ACBD6: variants seen among roughly 807,000 people sequenced by gnomAD.
The protein encoded by ACBD6 is acyl-CoA binding domain containing 6.
ACBD6 carries 28 observed loss-of-function variants against 37.2 expected under a neutral mutation model. That is an observed-to-expected ratio of 0.75 (90% CI 0.56 to 1.03). ACBD6 has a LOEUF of 1.03. Ranked by LOEUF, ACBD6 falls within the 50% of genes least tolerant of loss-of-function variation. The pLI is 0.00. For synonymous variants in ACBD6, 113 were observed against 126.8 expected (o/e 0.89, Z 0.73); for missense variants, 340 against 337.4 (o/e 1.01, Z -0.06).
At chr1:180,356,514 T>A (rs1433802585) in intron 6 of ACBD6, among the ~76,000 whole-genome samples, 1 of 151,856 alleles carries the variant, frequency 6.6e-6, no homozygotes, top group Non-Finnish European at 1.5e-5. Flanking sequence ...ATACAGGAAG[T>A]TTAGATCAGT....
rs1320544266 is a variant in ACBD6 at position 180,335,783 on chromosome 1, C to T, written c.664-21061G>A. On this transcript the variant is annotated intron_variant, in intron 6 of 7. Transcript: ENST00000367595. ...AGGAAACCCATCTCACATGCAGTGA[C>T]ACACATAAGCTCAAAATAAAGGGAT... is the stretch of plus-strand genomic sequence containing the variant. 2.1e-5 allele frequency among the ~76,000 whole-genome samples: 3 copies of T among 145,588 alleles called. 1 individual carries two copies. The highest frequency in any genetic ancestry group is 4.6e-5 in the Non-Finnish European group (3 of 64,602).
intron 7 of ACBD6, among the ~76,000 whole-genome samples, chr1:180,296,577 T>C (rs778875410): frequency 3.3e-5 from 5 of 152,054 alleles, no homozygotes; most frequent in Non-Finnish European, 7.4e-5. Context: ...TTACTGGCCA[T>C]GTGCCACCAT....
intron 3 of ACBD6, among the ~76,000 whole-genome samples, chr1:180,454,722 C>T (rs1222255543): frequency 6.6e-6 from 1 of 152,142 alleles, no homozygotes; most frequent in Non-Finnish European, 1.5e-5. Flanking sequence ...TATCAATAGA[C>T]ACTTCTCAAA....
intron 6 of ACBD6, among the ~76,000 whole-genome samples, chr1:180,340,969 G>A (rs760669914): frequency 1.3e-5 from 2 of 152,146 alleles, no homozygotes; most frequent in African/African-American, 2.4e-5. Context: ...AACTGGTAGA[G>A]TTCATGGGAT....
intron 6 of ACBD6, among the ~76,000 whole-genome samples, chr1:180,355,946 C>T (rs1259555090): frequency 6.6e-6 from 1 of 151,856 alleles, no homozygotes; most frequent in Non-Finnish European, 1.5e-5. Context: ...CGGCTCACTA[C>T]AACCTCTGCC....
At chr1:180,282,228 A>T (rs577291364) in intron 8 of ACBD6, among the ~76,000 whole-genome samples, 15 of 152,240 alleles carry the variant, frequency 9.9e-5, no homozygotes, top group Non-Finnish European at 1.6e-4. Context: ...AGGCTTTTTT[A>T]AAAAAATTAA....
chr1:180,471,989 T>C (rs932499578), intron 3 of ACBD6, among the ~76,000 whole-genome samples: 3 of 152,212 alleles, frequency 2.0e-5, no homozygotes, highest in Non-Finnish European at 2.9e-5. Flanking sequence ...CTCCCACACA[T>C]GCATGCAGAT....
chr1:180,483,656 T>A lies in ACBD6; in HGVS notation c.384+8613A>T, dbSNP rs566734731. 3.3e-4 allele frequency among the ~76,000 whole-genome samples: 50 copies of A among 152,280 alleles called. 1 individual carries two copies. In the South Asian group the frequency reaches 9.7e-3, roughly 30 times the overall value. On this transcript the variant is annotated intron_variant, in intron 3 of 7. Transcript: ENST00000367595. ...TTATATTTGGTTCAATATAAAATGG[T>A]AATCTATTACAGATTAGGATACAAT...
At chr1:180,374,329 T>C (rs1423358513) in intron 6 of ACBD6, among the ~76,000 whole-genome samples, 1 of 152,200 alleles carries the variant, frequency 6.6e-6, no homozygotes, top group Non-Finnish European at 1.5e-5. Flanking sequence ...AGAGAAGAGT[T>C]TAGTATTTTA....
At chr1:180,311,399 T>C (rs1347031631) in intron 7 of ACBD6, among the ~76,000 whole-genome samples, 1 of 152,182 alleles carries the variant, frequency 6.6e-6, no homozygotes, top group Non-Finnish European at 1.5e-5. Flanking sequence ...GTAAGCAAAA[T>C]ACAATCTCAG....
rs554630432 is a variant in ACBD6, at chr1:180,385,169, G to C, written c.663+12347C>G. Among the ~76,000 whole-genome samples, 14 of 151,816 alleles carry C rather than the reference G, an allele frequency of 9.2e-5. No homozygotes were observed. In the South Asian group the frequency reaches 2.9e-3, roughly 32 times the overall value. On this transcript the variant is annotated intron_variant, in intron 6 of 7. Transcript: ENST00000367595. ...AAGAGAGAACCTGAAATGTTCTCCAGGTTATGGATACCCCAAATACCCTGA... is the reference window on the plus strand; with the variant it reads ...AAGAGAGAACCTGAAATGTTCTCCACGTTATGGATACCCCAAATACCCTGA...
At chr1:180,444,783 C>T (rs950786627) in intron 3 of ACBD6, among the ~76,000 whole-genome samples, 3 of 152,162 alleles carry the variant, frequency 2.0e-5, no homozygotes, top group Admixed American at 2.0e-4. Flanking sequence ...GCCTGAGACT[C>T]TATTAGTTGA....
intron 3 of ACBD6, among the ~76,000 whole-genome samples, chr1:180,491,604 T>C (rs546776896): frequency 1.3e-5 from 2 of 152,366 alleles, no homozygotes; most frequent in African/African-American, 4.8e-5. Flanking sequence ...ATTCATCTTT[T>C]ATCCCTAATA....
intron 6 of ACBD6, among the ~76,000 whole-genome samples, chr1:180,356,723 G>A (rs1652642421): frequency 6.6e-6 from 1 of 151,652 alleles, no homozygotes; most frequent in Admixed American, 6.6e-5. Flanking sequence ...GGTGGTGTGT[G>A]CCTGTAGTCT....
intron 7 of ACBD6, among the ~76,000 whole-genome samples, chr1:180,313,822 G>A (rs376776157): frequency 1.5e-4 from 23 of 151,860 alleles, no homozygotes; most frequent in East Asian, 7.8e-4. Flanking sequence ...GCACCACTGC[G>A]CCCAACTCTA....
chr1:180,404,947 A>G (rs1159490931), intron 5 of ACBD6, among the ~76,000 whole-genome samples: 3 of 152,188 alleles, frequency 2.0e-5, no homozygotes, highest in Admixed American at 6.5e-5. Flanking sequence ...ATGACCATAG[A>G]CTTGATTTTT....
intron 6 of ACBD6, among the ~76,000 whole-genome samples, chr1:180,347,659 C>T (rs1384473708): frequency 6.6e-6 from 1 of 152,060 alleles, no homozygotes; most frequent in Admixed American, 6.6e-5. Context: ...AGATGCACGA[C>T]TGATAAGCAG....
At chr1:180,290,674 T>C (rs151115962) in intron 7 of ACBD6, among the ~76,000 whole-genome samples, 1 of 152,228 alleles carries the variant, frequency 6.6e-6, no homozygotes, top group East Asian at 1.9e-4. Flanking sequence ...ACACTACAAA[T>C]TGGTAGTAAG....
intron 6 of ACBD6, among the ~76,000 whole-genome samples, chr1:180,332,436 TAC>T (rs1297929375): frequency 1.3e-5 from 2 of 152,174 alleles, no homozygotes; most frequent in African/African-American, 4.8e-5. Context: ...CATCTGTATT[TAC>T]AGTTGTTCCT....
Sources: allele counts gnomAD v4.1 joint callset (sites outside exome capture counted in the v4.1 genomes callset), GRCh38; gene constraint gnomAD v4.1.1; transcripts MANE v1.5; gene names NCBI Gene and HGNC (gene_info 2026-07-23, HGNC 2026-07-21).